COL4A6: variants seen among roughly 807,000 people sequenced by gnomAD.
COL4A6 encodes collagen type IV alpha 6 chain.
In COL4A6, 59 loss-of-function variants were observed where a neutral mutation model predicts 126.7. The observed-to-expected ratio is 0.47, with a 90% CI of 0.38 to 0.58. The LOEUF is 0.58. Among genes scored for constraint, COL4A6 ranks in the 20% least tolerant of loss-of-function variants. The probability of loss-of-function intolerance (pLI) is 0.00; values close to 1 mark genes in which losing one functional copy is unlikely to be tolerated. For synonymous variants in COL4A6, 547 were observed against 496.6 expected (o/e 1.10, Z -1.35); for missense variants, 1,285 against 1,337.3 (o/e 0.96, Z 0.61).
At chrX:108,229,483 C>G (rs146128122) in intron 3 of COL4A6, among the ~76,000 whole-genome samples, 1 of 111,676 alleles carries the variant, frequency 9.0e-6, no homozygotes, top group African/African-American at 3.3e-5. Flanking sequence ...GCTTCAGCTC[C>G]GGAGTTTCAG....
intron 2 of COL4A6, among the ~76,000 whole-genome samples, chrX:108,355,848 C>G (rs2039947950): frequency 8.9e-6 from 1 of 111,995 alleles, no homozygotes; most frequent in Admixed American, 9.4e-5. Context: ...GTGATAAGCA[C>G]TTTTCAGATG....
At chrX:108,347,495 T>C (rs866032689) in intron 2 of COL4A6, among the ~76,000 whole-genome samples, 3 of 111,533 alleles carry the variant, frequency 2.7e-5, no homozygotes, top group South Asian at 3.8e-4. Context: ...AAGGAGGGAA[T>C]TGAACTCAGG....
intron 21 of COL4A6, 125 bp from the exon 22 acceptor site, chrX:108,188,152 A>G (rs2034930073): frequency 1.8e-5 from 9 of 498,307 alleles, no homozygotes; most frequent in Admixed American, 7.7e-5. Flanking sequence ...GACACTGATT[A>G]TGTTGTAATC....
Position 108,401,357 on chromosome X carries a change from G to A in COL4A6, c.63+36585C>T, listed in dbSNP as rs140836996. On this transcript the variant is annotated intron_variant, in intron 2 of 44. Transcript: ENST00000334504. Reference sequence around the variant, plus strand: ...AACAACCTAAAATGTGTAACAATATGGGAGTAAAATATAATATCTATTTAA... The same window carrying A: ...AACAACCTAAAATGTGTAACAATATAGGAGTAAAATATAATATCTATTTAA... Among the ~76,000 whole-genome samples the A allele has an allele frequency of 8.5e-3, 944 of 110,588 alleles. 9 individuals are homozygous for A. The highest frequency in any genetic ancestry group is 0.015 in the Middle Eastern group (3 of 198).
At chrX:108,329,863 C>T (rs1048293203) in intron 2 of COL4A6, among the ~76,000 whole-genome samples, 1 of 110,752 alleles carries the variant, frequency 9.0e-6, no homozygotes, top group Non-Finnish European at 1.9e-5. Context: ...AAAGAGGAGT[C>T]GAAGGTGACT....
At chrX:108,193,990 C>T (rs2148167100) in intron 16 of COL4A6, among the ~76,000 whole-genome samples, 1 of 112,789 alleles carries the variant, frequency 8.9e-6, no homozygotes, top group African/African-American at 3.2e-5. Context: ...TTGGCTGTAC[C>T]TAAGTAGTGC....
intron 2 of COL4A6, among the ~76,000 whole-genome samples, chrX:108,370,334 A>G (rs2040296950): frequency 8.9e-6 from 1 of 111,747 alleles, no homozygotes; most frequent in Non-Finnish European, 1.9e-5. Context: ...CTGCCTCCTC[A>G]CAAATTCAGA....
intron 2 of COL4A6, among the ~76,000 whole-genome samples, chrX:108,322,630 C>A (rs191711547): frequency 2.6e-4 from 29 of 112,037 alleles, no homozygotes; most frequent in African/African-American, 9.1e-4. Context: ...CACAAACAGG[C>A]AAACTAAATG....
intron 3 of COL4A6, among the ~76,000 whole-genome samples, chrX:108,240,503 T>C (rs1484483857): frequency 8.9e-6 from 1 of 112,225 alleles, no homozygotes; most frequent in Non-Finnish European, 1.9e-5. Context: ...TAAATGGTAA[T>C]TTTACATGTA....
In COL4A6 at chrX:108,211,989, G is replaced by A. The variant is rs145886020; in HGVS notation, c.442-249C>T. 6.3e-3 allele frequency among the ~76,000 whole-genome samples: 698 copies of A among 111,312 alleles called. 4 individuals are homozygous for A. The highest frequency in any genetic ancestry group is 0.022 in the African/African-American group (670 of 30,603). Reference sequence around the variant, plus strand: ...AAGGGTTTGAATGGGTCTGAAATGTGTTAAAGTCAGATACTTTACATCTAT... The same window carrying A: ...AAGGGTTTGAATGGGTCTGAAATGTATTAAAGTCAGATACTTTACATCTAT... On this transcript the variant is annotated intron_variant, in intron 6 of 44. Transcript: ENST00000334504.
At chrX:108,279,766 A>G (rs1345419640) in intron 3 of COL4A6, among the ~76,000 whole-genome samples, 1 of 111,917 alleles carries the variant, frequency 8.9e-6, no homozygotes, top group Non-Finnish European at 1.9e-5. Context: ...CAGCAAATGT[A>G]AAAGATCAGA....
intron 2 of COL4A6, among the ~76,000 whole-genome samples, chrX:108,360,117 G>A (rs888885229): frequency 9.0e-6 from 1 of 111,722 alleles, no homozygotes; most frequent in African/African-American, 3.3e-5. Flanking sequence ...GAAACTCCAG[G>A]GATCTATCCA....
intron 2 of COL4A6, among the ~76,000 whole-genome samples, chrX:108,420,484 A>G (rs1311695239): frequency 8.9e-6 from 1 of 111,786 alleles, no homozygotes; most frequent in Non-Finnish European, 1.9e-5. Context: ...GAAAGAATGG[A>G]TGGCAGTTAG....
intron 2 of COL4A6, among the ~76,000 whole-genome samples, chrX:108,406,320 T>C (rs1434889088): frequency 8.9e-6 from 1 of 112,039 alleles, no homozygotes; most frequent in African/African-American, 3.2e-5. Flanking sequence ...CCCTTCCTCC[T>C]GACCTTATCT....
intron 8 of COL4A6, among the ~76,000 whole-genome samples, chrX:108,207,433 G>A (rs750246657): frequency 9.0e-6 from 1 of 111,018 alleles, no homozygotes; most frequent in Non-Finnish European, 1.9e-5. Context: ...CATGGCACAC[G>A]TTGTTTACCT....
At chrX:108,307,655 A>G (rs1369081690) in intron 3 of COL4A6, among the ~76,000 whole-genome samples, 3 of 112,142 alleles carry the variant, frequency 2.7e-5, no homozygotes, top group Non-Finnish European at 5.6e-5. Context: ...TCTCAGGGTG[A>G]CCCAATGTTC....
chrX:108,418,241 G>A (rs1285718897), intron 2 of COL4A6, among the ~76,000 whole-genome samples: 1 of 111,944 alleles, frequency 8.9e-6, no homozygotes, highest in Non-Finnish European at 1.9e-5. Context: ...TATGCTAATG[G>A]CATGAATACT....
At chrX:108,372,506 G>A (rs191081446) in intron 2 of COL4A6, among the ~76,000 whole-genome samples, 1 of 111,968 alleles carries the variant, frequency 8.9e-6, no homozygotes, top group African/African-American at 3.2e-5. Context: ...ATTGGGACCA[G>A]GCAGATTCAG....
intron 2 of COL4A6, among the ~76,000 whole-genome samples, chrX:108,321,976 A>T (rs2039042569): frequency 9.0e-6 from 1 of 111,601 alleles, no homozygotes; most frequent in Admixed American, 9.5e-5. Flanking sequence ...AAGGTCAGTC[A>T]GCTAGGGAGC....
Sources: gnomAD v4.1 joint callset for allele counts (sites outside exome capture counted in the v4.1 genomes callset) on GRCh38, gnomAD v4.1.1 for gene constraint, MANE v1.5 for transcripts, NCBI Gene and HGNC (gene_info 2026-07-23, HGNC 2026-07-21) for gene names.